GPC5: variants seen among roughly 807,000 people sequenced by gnomAD.
GPC5 encodes glypican 5.
A neutral mutation model predicts 53.9 loss-of-function variants in GPC5; 47 were observed. The observed-to-expected ratio is 0.87, with a 90% CI of 0.69 to 1.11. The LOEUF is 1.11. Ranked by LOEUF, GPC5 falls within the 50% of genes most tolerant of loss-of-function variation. The pLI is 0.00. For synonymous variants in GPC5, 286 were observed against 263.3 expected (o/e 1.09, Z -0.84); for missense variants, 748 against 713.1 (o/e 1.05, Z -0.56).
At chr13:92,381,180 T>C (rs1051977474) in intron 7 of GPC5, among the ~76,000 whole-genome samples, 3 of 152,208 alleles carry the variant, frequency 2.0e-5, no homozygotes, top group East Asian at 1.9e-4. Context: ...CTGAGCATTG[T>C]ACCTTAAACT....
chr13:91,463,369 A>C (rs907224818), intron 2 of GPC5, among the ~76,000 whole-genome samples: 5 of 152,128 alleles, frequency 3.3e-5, no homozygotes, highest in African/African-American at 1.2e-4. Flanking sequence ...CCATAGATAC[A>C]AAAAGCCAAC....
At chr13:92,812,609 G>C (rs531723061) in intron 7 of GPC5, among the ~76,000 whole-genome samples, 1 of 151,654 alleles carries the variant, frequency 6.6e-6, no homozygotes, top group Non-Finnish European at 1.5e-5. Context: ...AAGTTCTATC[G>C]AAGGCAACTA....
At chr13:92,617,374 T>G (rs1307678882) in intron 7 of GPC5, among the ~76,000 whole-genome samples, 1 of 152,188 alleles carries the variant, frequency 6.6e-6, no homozygotes, top group Non-Finnish European at 1.5e-5. Context: ...GAATCTCCTT[T>G]TATTCATCAA....
At chr13:92,168,253 A>G (rs1353627709) in intron 7 of GPC5, among the ~76,000 whole-genome samples, 2 of 152,244 alleles carry the variant, frequency 1.3e-5, no homozygotes, top group African/African-American at 4.8e-5. Context: ...AAATCTAGGC[A>G]ATACCTTTCA....
chr13:92,156,590 C>A (rs1448345882), intron 7 of GPC5, among the ~76,000 whole-genome samples: 1 of 152,030 alleles, frequency 6.6e-6, no homozygotes, highest in Non-Finnish European at 1.5e-5. Context: ...TTGGCAAAAA[C>A]CATAATTACT....
At chr13:91,448,694 T>C in intron 1 of GPC5, 67 bp from the exon 2 acceptor site, 1 of 1,521,980 alleles carries the variant, frequency 6.6e-7, no homozygotes, top group East Asian at 2.3e-5. Context: ...TCATAACGCC[T>C]GATATATAAT....
chr13:92,166,692 G>T (rs9583998), intron 7 of GPC5, among the ~76,000 whole-genome samples: 20,622 of 152,092 alleles, frequency 0.14, 1,655 homozygotes, highest in Admixed American at 0.18. Flanking sequence ...CTTGAAAAGA[G>T]AATAGAATAC....
chr13:92,372,574 G>C (rs769192250), intron 7 of GPC5, among the ~76,000 whole-genome samples: 10 of 151,936 alleles, frequency 6.6e-5, no homozygotes, highest in African/African-American at 7.3e-5. Flanking sequence ...TTTTTCATTC[G>C]TTGGATTCCA....
intron 7 of GPC5, among the ~76,000 whole-genome samples, chr13:92,352,769 C>A (rs986541536): frequency 6.6e-6 from 1 of 152,058 alleles, no homozygotes; most frequent in East Asian, 1.9e-4. Flanking sequence ...ATTAGTAAAC[C>A]AGTTTTGAAA....
chr13:91,571,083 T>C (rs2031759454), intron 2 of GPC5, among the ~76,000 whole-genome samples: 1 of 152,188 alleles, frequency 6.6e-6, no homozygotes, highest in Admixed American at 6.6e-5. Context: ...TTATTTTTAA[T>C]GCTTCTGGTC....
At chr13:92,175,171 T>C (rs1050169367) in intron 7 of GPC5, among the ~76,000 whole-genome samples, 5 of 152,200 alleles carry the variant, frequency 3.3e-5, no homozygotes, top group African/African-American at 1.2e-4. Flanking sequence ...ATTTTTTCAT[T>C]AGAATTTCTG....
chr13:91,902,067 C>A (rs2039503526), intron 5 of GPC5, among the ~76,000 whole-genome samples: 1 of 151,966 alleles, frequency 6.6e-6, no homozygotes, highest in African/African-American at 2.4e-5. Context: ...AATTCCAAGA[C>A]AGACCCCTGT....
chr13:91,705,292 T>G (rs1444679335), intron 3 of GPC5, among the ~76,000 whole-genome samples: 2 of 152,222 alleles, frequency 1.3e-5, no homozygotes, highest in African/African-American at 4.8e-5. Context: ...TTAGCACCTA[T>G]CTTTTGAGAC....
At chr13:91,823,295 T>C (rs1236318324) in intron 5 of GPC5, among the ~76,000 whole-genome samples, 2 of 152,106 alleles carry the variant, frequency 1.3e-5, no homozygotes, top group Non-Finnish European at 2.9e-5. Context: ...ATTTATAATA[T>C]AGAGATTCCA....
intron 7 of GPC5, among the ~76,000 whole-genome samples, chr13:92,403,385 G>A (rs1157318858): frequency 6.6e-6 from 1 of 152,208 alleles, no homozygotes; most frequent in East Asian, 1.9e-4. Context: ...TGGCCTGTTA[G>A]GAACTGGTCC....
chr13:91,993,288 G>T (rs1369843614), intron 6 of GPC5, among the ~76,000 whole-genome samples: 1 of 151,906 alleles, frequency 6.6e-6, no homozygotes, highest in African/African-American at 2.4e-5. Flanking sequence ...ATTCAAATGA[G>T]CAAACTGCAA....
intron 7 of GPC5, among the ~76,000 whole-genome samples, chr13:92,490,779 A>T (rs946411231): frequency 6.6e-6 from 1 of 152,134 alleles, no homozygotes; most frequent in African/African-American, 2.4e-5. Flanking sequence ...TGAACTAAAA[A>T]TTTTCTTAAA....
intron 7 of GPC5, among the ~76,000 whole-genome samples, chr13:92,629,006 T>C (rs572783295): frequency 1.8e-4 from 28 of 152,318 alleles, no homozygotes; most frequent in African/African-American, 6.7e-4. Context: ...AAAGGTAGGA[T>C]GTCTCCTTGG....
chr13:91,755,427 G>A (rs1484641721), intron 4 of GPC5, among the ~76,000 whole-genome samples: 1 of 151,892 alleles, frequency 6.6e-6, no homozygotes, highest in African/African-American at 2.4e-5. Flanking sequence ...TCAGCCTAGG[G>A]CTTTTCATTT....
Sources: gnomAD v4.1 joint callset for allele counts (sites outside exome capture counted in the v4.1 genomes callset) on GRCh38, gnomAD v4.1.1 for gene constraint, MANE v1.5 for transcripts, NCBI Gene and HGNC (gene_info 2026-07-23, HGNC 2026-07-21) for gene names.